The following KCNQ3 variants were observed in gnomAD, a reference collection of about 807,000 sequenced individuals.
KCNQ3 encodes potassium voltage-gated channel subfamily KQT member 3.
Under a neutral mutation model 92.5 loss-of-function variants are expected in KCNQ3, and 30 were observed. The observed-to-expected ratio is 0.32, with a 90% CI of 0.24 to 0.44. KCNQ3 has a LOEUF of 0.44. Ranked by LOEUF, KCNQ3 falls within the 20% of genes least tolerant of loss-of-function variation. The pLI is 1.00. For missense variants in KCNQ3, 913 were observed against 1,140.3 expected, an observed-to-expected ratio of 0.80 and a Z score of 2.87; for synonymous variants, 450 against 468.8, an observed-to-expected ratio of 0.96 and a Z score of 0.52.
chr8:132,152,068 A>T (rs527282578), intron 9 of KCNQ3, among the ~76,000 whole-genome samples: 1 of 152,350 alleles, frequency 6.6e-6, no homozygotes, highest in South Asian at 2.1e-4. Context: ...ACATTTGATA[A>T]TTGTTGTCTT....
rs1156890934 is a variant in KCNQ3 at position 132,123,554 on chromosome 8, A to C, written c.*5708T>G. 6.6e-6 allele frequency: 1 copy of C among 152,210 alleles called. No homozygotes were observed. Among genetic ancestry groups the C allele is most frequent in the African/African-American group, 2.4e-5 (1 of 41,460 alleles). The allele number at this position is 152,210 out of a possible 1,614,324, so 9.4% of individuals were successfully genotyped here. On this transcript the variant is annotated 3_prime_UTR_variant, in exon 15 of 15. Coordinates refer to ENST00000388996, the MANE Select transcript of KCNQ3 (RefSeq NM_004519.4). ...AAGTTCTTTTTCATGTTCTGGGCTC[A>C]ATCGTGATGCTTTGATTTCACTTGG...
intron 1 of KCNQ3, among the ~76,000 whole-genome samples, chr8:132,444,064 T>G (rs1821609652): frequency 6.6e-6 from 1 of 151,870 alleles, no homozygotes; most frequent in Non-Finnish European, 1.5e-5. Flanking sequence ...AACTGGCAAG[T>G]TATGGAGCTG....
chr8:132,381,827 T>G (rs1819759430), intron 1 of KCNQ3, among the ~76,000 whole-genome samples: 1 of 152,296 alleles, frequency 6.6e-6, no homozygotes. Flanking sequence ...TCCCACAACC[T>G]TGTACACCAG....
chr8:132,443,943 A>C (rs549315448), intron 1 of KCNQ3, among the ~76,000 whole-genome samples: 70 of 152,280 alleles, frequency 4.6e-4, no homozygotes, highest in African/African-American at 1.6e-3. Flanking sequence ...ATAATAAGTG[A>C]TTTAATCCTC....
At chr8:132,235,051 T>C (rs1474482856) in intron 1 of KCNQ3, among the ~76,000 whole-genome samples, 1 of 152,230 alleles carries the variant, frequency 6.6e-6, no homozygotes, top group Non-Finnish European at 1.5e-5. Flanking sequence ...AATAAAAAGA[T>C]GCTTGGCAGC....
intron 1 of KCNQ3, among the ~76,000 whole-genome samples, chr8:132,226,677 C>T (rs760092534): frequency 6.6e-6 from 1 of 152,042 alleles, no homozygotes; most frequent in Admixed American, 6.6e-5. Context: ...GTGGTCACCC[C>T]GGGAAGACAG....
chr8:132,180,839 A>AAAAAAAAAAAAAAAC (rs1426971638), intron 3 of KCNQ3, among the ~76,000 whole-genome samples: 2 of 150,278 alleles, frequency 1.3e-5, no homozygotes, highest in African/African-American at 2.4e-5. Context: ...GAATGTTAAA[A>AAAAAAAAAAAAAAAC]AAAAAAAAAA....
At chr8:132,332,981 C>T (rs1586934268) in intron 1 of KCNQ3, among the ~76,000 whole-genome samples, 2 of 152,058 alleles carry the variant, frequency 1.3e-5, no homozygotes, top group African/African-American at 2.4e-5. Flanking sequence ...TTTGAATCCA[C>T]AACACTTGTT....
At chr8:132,256,937 G>T (rs887730043) in intron 1 of KCNQ3, among the ~76,000 whole-genome samples, 4 of 152,096 alleles carry the variant, frequency 2.6e-5, no homozygotes, top group Admixed American at 2.6e-4. Context: ...TAATGACATC[G>T]GTGAAGGTAA....
intron 1 of KCNQ3, among the ~76,000 whole-genome samples, chr8:132,306,083 C>T (rs987742370): frequency 6.6e-6 from 1 of 152,092 alleles, no homozygotes; most frequent in Non-Finnish European, 1.5e-5. Context: ...GGCAACTCGC[C>T]CAAGGCCATG....
chr8:132,286,104 T>C (rs191638189), intron 1 of KCNQ3, among the ~76,000 whole-genome samples: 55 of 152,306 alleles, frequency 3.6e-4, no homozygotes, highest in African/African-American at 1.2e-3. Context: ...ATTTGCTTCA[T>C]GGGTGGAGCC....
chr8:132,451,852 A>G (rs1587034400), intron 1 of KCNQ3, among the ~76,000 whole-genome samples: 3 of 152,186 alleles, frequency 2.0e-5, no homozygotes, highest in Admixed American at 6.5e-5. Context: ...GAGAGAGGAC[A>G]AGCTTGGATG....
intron 1 of KCNQ3, among the ~76,000 whole-genome samples, chr8:132,407,880 G>A (rs145049767): frequency 9.2e-5 from 14 of 152,282 alleles, no homozygotes; most frequent in African/African-American, 3.4e-4. Context: ...ACATCCTGGG[G>A]AACTCCGAGC....
chr8:132,424,015 A>G (rs1821042030), intron 1 of KCNQ3, among the ~76,000 whole-genome samples: 1 of 152,192 alleles, frequency 6.6e-6, no homozygotes, highest in African/African-American at 2.4e-5. Context: ...TTTCTCCCAT[A>G]ACTTGCAGCT....
At chr8:132,218,442 A>G (rs1318677117) in intron 1 of KCNQ3, among the ~76,000 whole-genome samples, 1 of 152,248 alleles carries the variant, frequency 6.6e-6, no homozygotes, top group Non-Finnish European at 1.5e-5. Context: ...TTCTAACCAC[A>G]GTTTTGACCA....
intron 1 of KCNQ3, among the ~76,000 whole-genome samples, chr8:132,199,203 C>A (rs952993063): frequency 7.9e-5 from 12 of 152,018 alleles, no homozygotes; most frequent in South Asian, 4.1e-4. Flanking sequence ...TAAAAAAAAA[C>A]CAACTGATAC....
At chr8:132,180,073 G>A (rs1434342536) in intron 4 of KCNQ3, 84 bp downstream of exon 4, 4 of 1,433,450 alleles carry the variant, frequency 2.8e-6, no homozygotes, top group South Asian at 2.3e-5. Context: ...GCCTTCTGGG[G>A]ACACTGCAAA....
chr8:132,187,511 A>C (rs1000963356), intron 1 of KCNQ3, among the ~76,000 whole-genome samples: 2 of 152,196 alleles, frequency 1.3e-5, no homozygotes, highest in Non-Finnish European at 2.9e-5. Flanking sequence ...CAGGAACCTA[A>C]ACAAGATCCC....
chr8:132,224,002 A>G (rs912941292), intron 1 of KCNQ3, among the ~76,000 whole-genome samples: 4 of 150,648 alleles, frequency 2.7e-5, no homozygotes, highest in African/African-American at 9.7e-5. Flanking sequence ...TGCAACCTCA[A>G]ACTCATGGCC....
Sources: gnomAD v4.1 joint callset for allele counts (sites outside exome capture counted in the v4.1 genomes callset) on GRCh38, gnomAD v4.1.1 for gene constraint, MANE v1.5 for transcripts, NCBI Gene and HGNC (gene_info 2026-07-23, HGNC 2026-07-21) for gene names.